Variants in GPC5 observed in about 807,000 individuals in gnomAD.
GPC5 encodes the protein glypican 5.
A neutral mutation model predicts 53.9 loss-of-function variants in GPC5; 47 were observed. The observed-to-expected ratio is 0.87, with a 90% CI of 0.69 to 1.11. The LOEUF (loss-of-function observed/expected upper bound fraction) is 1.11. Ranked by LOEUF, GPC5 falls within the 50% of genes most tolerant of loss-of-function variation. The probability of loss-of-function intolerance (pLI) is 0.00; values close to 1 mark genes in which losing one functional copy is unlikely to be tolerated. For missense variants in GPC5, 748 were observed against 713.1 expected, an observed-to-expected ratio of 1.05 and a Z score of -0.56; for synonymous variants, 286 against 263.3, an observed-to-expected ratio of 1.09 and a Z score of -0.84.
intron 6 of GPC5, among the ~76,000 whole-genome samples, chr13:91,954,618 C>T (rs1447285641): frequency 6.6e-6 from 1 of 151,924 alleles, no homozygotes; most frequent in Admixed American, 6.6e-5. Context: ...AAAAGAAAAT[C>T]CATGAACAAA....
In GPC5 at chr13:92,787,381, C is replaced by G. The variant is rs1876277405; in HGVS notation, c.1562-78901C>G. ...CAGACATGAGTCAAGAGAATATAAA[C>G]AGAAAAATATCCCTCAGAAAACCAG... is the stretch of plus-strand genomic sequence containing the variant. On this transcript the variant is annotated intron_variant, in intron 7 of 7. Coordinates refer to ENST00000377067, the MANE Select transcript of GPC5 (RefSeq NM_004466.6). Among the ~76,000 whole-genome samples the G allele has an allele frequency of 2.6e-5, 4 of 151,652 alleles. No individual in the cohort carries two copies. In the South Asian group the frequency reaches 6.3e-4, roughly 24 times the overall value.
At chr13:92,643,070 T>G (rs1885647732) in intron 7 of GPC5, among the ~76,000 whole-genome samples, 1 of 152,278 alleles carries the variant, frequency 6.6e-6, no homozygotes, top group East Asian at 1.9e-4. Context: ...TTGATGGGGT[T>G]GTTCGTTTTT....
intron 2 of GPC5, among the ~76,000 whole-genome samples, chr13:91,635,987 C>T (rs570085869): frequency 3.3e-5 from 5 of 152,100 alleles, no homozygotes; most frequent in African/African-American, 1.2e-4. Flanking sequence ...ACAGTTTCTG[C>T]ACATTCTTAT....
intron 2 of GPC5, among the ~76,000 whole-genome samples, chr13:91,651,734 A>AAAT (rs2034716157): frequency 6.6e-6 from 1 of 151,858 alleles, no homozygotes; most frequent in African/African-American, 2.4e-5. Flanking sequence ...AAAAAAAAAA[A>AAAT]GATTTATAAA....
intron 5 of GPC5, among the ~76,000 whole-genome samples, chr13:91,895,963 C>A (rs1341330635): frequency 5.3e-5 from 8 of 152,086 alleles, no homozygotes; most frequent in Non-Finnish European, 8.8e-5. Context: ...CTTGTGGCAG[C>A]ATCACTCCAA....
chr13:92,374,518 C>A (rs1332353171), intron 7 of GPC5, among the ~76,000 whole-genome samples: 1 of 152,010 alleles, frequency 6.6e-6, no homozygotes, highest in Admixed American at 6.6e-5. Flanking sequence ...GAATACTATG[C>A]AGCCATAAAA....
intron 5 of GPC5, among the ~76,000 whole-genome samples, chr13:91,799,100 G>T (rs2038093864): frequency 6.6e-6 from 1 of 152,094 alleles, no homozygotes; most frequent in Non-Finnish European, 1.5e-5. Context: ...CATCAACAGT[G>T]GACTGGATAA....
At chr13:91,684,058 A>G (rs1831044868) in intron 2 of GPC5, among the ~76,000 whole-genome samples, 1 of 152,178 alleles carries the variant, frequency 6.6e-6, no homozygotes, top group South Asian at 2.1e-4. Context: ...AGCATTTGAC[A>G]TGATAGATTA....
At chr13:91,560,536 G>A (rs1480551121) in intron 2 of GPC5, among the ~76,000 whole-genome samples, 1 of 152,044 alleles carries the variant, frequency 6.6e-6, no homozygotes, top group Non-Finnish European at 1.5e-5. Context: ...GGGATTTGGG[G>A]CAGTTGCTAA....
At chr13:92,322,959 G>T (rs1259518543) in intron 7 of GPC5, among the ~76,000 whole-genome samples, 1 of 151,488 alleles carries the variant, frequency 6.6e-6, no homozygotes, top group African/African-American at 2.4e-5. Context: ...AAGAGAAGGA[G>T]GAGACAAAAA....
At chr13:91,931,599 G>A (rs1267672515) in intron 6 of GPC5, among the ~76,000 whole-genome samples, 2 of 151,948 alleles carry the variant, frequency 1.3e-5, no homozygotes, top group African/African-American at 4.8e-5. Flanking sequence ...ATTCTCAGTG[G>A]CTCAACCAAA....
intron 4 of GPC5, among the ~76,000 whole-genome samples, chr13:91,754,903 AACC>A: frequency 6.6e-6 from 1 of 152,236 alleles, no homozygotes; most frequent in Middle Eastern, 3.4e-3. Flanking sequence ...TGCTTCTTGC[AACC>A]ACTTTATCAC....
At chr13:91,850,390 A>G (rs1242883208) in intron 5 of GPC5, among the ~76,000 whole-genome samples, 1 of 152,096 alleles carries the variant, frequency 6.6e-6, no homozygotes, top group African/African-American at 2.4e-5. Context: ...CAAACTGTCA[A>G]TAATATCAAG....
chr13:92,520,512 G>A (rs1880998321), intron 7 of GPC5, among the ~76,000 whole-genome samples: 1 of 152,100 alleles, frequency 6.6e-6, no homozygotes, highest in Non-Finnish European at 1.5e-5. Flanking sequence ...CATATAAACA[G>A]AACCAAAGAT....
At chr13:91,562,449 C>A (rs2031320467) in intron 2 of GPC5, among the ~76,000 whole-genome samples, 1 of 151,526 alleles carries the variant, frequency 6.6e-6, no homozygotes. Flanking sequence ...ATGATTAAAC[C>A]ATTCTTTCTT....
intron 6 of GPC5, among the ~76,000 whole-genome samples, chr13:91,998,544 C>T (rs956558556): frequency 2.6e-5 from 4 of 152,096 alleles, no homozygotes; most frequent in African/African-American, 9.7e-5. Flanking sequence ...AATGTCATCC[C>T]AACCTCCACA....
chr13:92,174,526 T>G (rs2042094946), intron 7 of GPC5, among the ~76,000 whole-genome samples: 1 of 147,130 alleles, frequency 6.8e-6, no homozygotes, highest in African/African-American at 2.5e-5. Context: ...CAGAGCGAGA[T>G]TCCAACTCAA....
intron 7 of GPC5, among the ~76,000 whole-genome samples, chr13:92,260,326 C>T (rs533269925): frequency 1.2e-4 from 18 of 152,282 alleles, no homozygotes; most frequent in African/African-American, 2.9e-4. Flanking sequence ...AACTGTAATG[C>T]GGTTTATCTA....
intron 6 of GPC5, among the ~76,000 whole-genome samples, chr13:92,060,135 C>T (rs1406320539): frequency 1.3e-5 from 2 of 151,388 alleles, no homozygotes; most frequent in East Asian, 3.9e-4. Context: ...AATGTGTATT[C>T]TTCATTTTTG....
Sources: gnomAD v4.1 joint callset for allele counts (sites outside exome capture counted in the v4.1 genomes callset) on GRCh38, gnomAD v4.1.1 for gene constraint, MANE v1.5 for transcripts, NCBI Gene and HGNC (gene_info 2026-07-23, HGNC 2026-07-21) for gene names.